The following BRCA1 variants were observed in gnomAD, a reference collection of about 807,000 sequenced individuals.
The protein encoded by BRCA1 is breast cancer type 1 susceptibility protein.
BRCA1 carries 140 observed loss-of-function variants against 173.7 expected under a neutral mutation model. The ratio of observed to expected loss-of-function variants is 0.81; its 90% CI spans 0.70 to 0.93. The LOEUF is 0.93. Among genes scored for constraint, BRCA1 ranks in the 40% least tolerant of loss-of-function variants. The probability of loss-of-function intolerance (pLI) is 0.00; values close to 1 mark genes in which losing one functional copy is unlikely to be tolerated. For missense variants in BRCA1, 1,983 were observed against 2,172.5 expected, an observed-to-expected ratio of 0.91 and a Z score of 1.73; for synonymous variants, 662 against 756.0, an observed-to-expected ratio of 0.88 and a Z score of 2.04.
rs1131692093 is a variant in BRCA1 at position 43,092,849 on chromosome 17, T to A, written c.2682A>T (p.Lys894Asn). The change falls in exon 10 of 23, where the codon AAA becomes AAT. Residue 894 changes from lysine to asparagine, a missense_variant. Transcript: ENST00000357654. ...ATTCAAAAGTGACTTTTGGACTTTG[T>A]TTCTTTAAGGACCCAGAGTGGGCAG... Reference protein sequence around the residue: ...TFSAHSGSLKKQSPKVTFECE... With the variant: ...TFSAHSGSLKNQSPKVTFECE... 6.2e-7 allele frequency: 1 copy of A among 1,613,974 alleles called. No homozygotes were observed. Among genetic ancestry groups the A allele is most frequent in the East Asian group, 2.2e-5 (1 of 44,876 alleles).
At chr17:43,057,250 C>G (rs576251388) in intron 18 of BRCA1, 115 bp from the exon 19 acceptor site, 4 of 971,756 alleles carry the variant, frequency 4.1e-6, no homozygotes, top group Non-Finnish European at 6.6e-6. Flanking sequence ...TGGCTCACCC[C>G]TGTAATCCTA....
chr17:43,157,973 C>T (rs576377513), intron 1 of BRCA1, among the ~76,000 whole-genome samples: 2 of 128,414 alleles, frequency 1.6e-5, no homozygotes, highest in African/African-American at 6.0e-5. Context: ...CCAGCCTGGG[C>T]AACAAGAGCG....
intron 1 of BRCA1, among the ~76,000 whole-genome samples, chr17:43,150,053 G>A (rs916368298): frequency 2.0e-5 from 3 of 152,088 alleles, no homozygotes; most frequent in Non-Finnish European, 4.4e-5. Context: ...GCCTCCCAAA[G>A]TGCTGGGATT....
At chr17:43,085,843 A>AAT (rs1178947295) in intron 11 of BRCA1, among the ~76,000 whole-genome samples, 2 of 152,054 alleles carry the variant, frequency 1.3e-5, no homozygotes, top group African/African-American at 4.8e-5. Flanking sequence ...ATTACATATA[A>AAT]ATATATATAT....
intron 7 of BRCA1, among the ~76,000 whole-genome samples, chr17:43,099,363 C>T (rs545943348): frequency 9.3e-5 from 14 of 150,820 alleles, no homozygotes; most frequent in South Asian, 2.1e-4. Context: ...CTCCACCTCC[C>T]GGGTTCAAGT....
intron 12 of BRCA1, among the ~76,000 whole-genome samples, 194 bp from the exon 13 acceptor site, chr17:43,076,808 G>T (rs921701285): frequency 6.6e-6 from 1 of 150,988 alleles, no homozygotes; most frequent in Non-Finnish European, 1.5e-5. Flanking sequence ...GGAATTCAAT[G>T]ATTAAAAAAT....
intron 22 of BRCA1, among the ~76,000 whole-genome samples, chr17:43,046,222 CT>C (rs71157698): frequency 6.2e-3 from 424 of 68,356 alleles, no homozygotes; most frequent in African/African-American, 0.018. Context: ...TGCACCTGGC[CT>C]TTTTTTTTTT....
At chr17:43,068,199 C>T (rs1340689790) in intron 15 of BRCA1, among the ~76,000 whole-genome samples, 1 of 151,278 alleles carries the variant, frequency 6.6e-6, no homozygotes, top group African/African-American at 2.4e-5. Flanking sequence ...ATGGCGTGAA[C>T]CCAGGAAGCA....
chr17:43,081,879 T>G (rs2053015990), intron 12 of BRCA1, among the ~76,000 whole-genome samples: 1 of 152,224 alleles, frequency 6.6e-6, no homozygotes, highest in South Asian at 2.1e-4. Context: ...ATTGCATAAT[T>G]AGGCTTTCTG....
At position 43,091,916 on chromosome 17, in the gene BRCA1, C is replaced by T. The variant is rs750113197; in HGVS notation, c.3615G>A (p.Gly1205=). 3.1e-6 allele frequency: 5 copies of T among 1,614,090 alleles called. No homozygotes were observed. Among genetic ancestry groups the T allele is most frequent in the Non-Finnish European group, 3.4e-6 (4 of 1,180,022 alleles). The change falls in exon 10 of 23, where the codon GGG becomes GGA. Residue 1205 remains glycine, a synonymous_variant. Coordinates refer to ENST00000357654, the MANE Select transcript of BRCA1 (RefSeq NM_007294.4). ...HTHLAQGYRR[G]AKKLESSEEN... is the part of the protein sequence containing the mutation. ...CTTCTGAGGACTCTAATTTCTTGGC[C>T]CCTCTTCGGTAACCCTGAGCCAAAT... is the stretch of plus-strand genomic sequence containing the variant.
At chr17:43,156,014 A>G (rs1169026459) in intron 1 of BRCA1, among the ~76,000 whole-genome samples, 1 of 152,102 alleles carries the variant, frequency 6.6e-6, no homozygotes, top group Non-Finnish European at 1.5e-5. Flanking sequence ...AGGCAGGTGG[A>G]TCACCTGAGG....
chr17:43,056,331 G>A (rs1466069657), intron 19 of BRCA1, among the ~76,000 whole-genome samples: 1 of 151,878 alleles, frequency 6.6e-6, no homozygotes, highest in African/African-American at 2.4e-5. Flanking sequence ...ATGCCACCAC[G>A]CCTGGCTAAT....
chr17:43,132,225 G>A (rs931074157), intron 1 of BRCA1, among the ~76,000 whole-genome samples: 5 of 152,114 alleles, frequency 3.3e-5, no homozygotes, highest in Non-Finnish European at 5.9e-5. Context: ...GCCAAGGGGG[G>A]TTGTGACTGA....
chr17:43,090,000 C>A (rs1286689729), intron 11 of BRCA1, among the ~76,000 whole-genome samples: 3 of 150,664 alleles, frequency 2.0e-5, no homozygotes, highest in African/African-American at 7.3e-5. Context: ...GAGTAAGAGA[C>A]CCTGTGTCAA....
At chr17:43,059,858 C>T (rs1294761998) in intron 18 of BRCA1, among the ~76,000 whole-genome samples, 1 of 152,114 alleles carries the variant, frequency 6.6e-6, no homozygotes, top group Non-Finnish European at 1.5e-5. Context: ...GTAATCTCTG[C>T]CTCCACACAT....
At chr17:43,129,933 A>G (rs1399094238), upstream of BRCA1, among the ~76,000 whole-genome samples, 1 of 152,204 alleles carries the variant, frequency 6.6e-6, no homozygotes, top group Non-Finnish European at 1.5e-5. Context: ...TGTCATATGA[A>G]TGAATACTTG....
At chr17:43,083,865 T>A (rs1440912146) in intron 11 of BRCA1, among the ~76,000 whole-genome samples, 1 of 152,144 alleles carries the variant, frequency 6.6e-6, no homozygotes, top group Non-Finnish European at 1.5e-5. Context: ...GAATTTATTT[T>A]ATTTATTTAT....
chr17:43,125,575 G>T (rs2055845385), upstream of BRCA1: 1 of 306,386 alleles, frequency 3.3e-6, no homozygotes, highest in African/African-American at 2.2e-5. Context: ...TAAAAGGAAA[G>T]AGACGGAAGA....
intron 1 of BRCA1, among the ~76,000 whole-genome samples, chr17:43,150,079 C>G (rs2056151180): frequency 6.6e-6 from 1 of 151,930 alleles, no homozygotes; most frequent in African/African-American, 2.4e-5. Context: ...CATGAGCCAC[C>G]ATGTCCGGCA....
Sources: gnomAD v4.1 joint callset for allele counts (sites outside exome capture counted in the v4.1 genomes callset) on GRCh38, gnomAD v4.1.1 for gene constraint, MANE v1.5 for transcripts, NCBI Gene and HGNC (gene_info 2026-07-23, HGNC 2026-07-21) for gene names.